PRKCB: variants seen among roughly 807,000 people sequenced by gnomAD.
The protein encoded by PRKCB is protein kinase C beta type.
Under a neutral mutation model 81.5 loss-of-function variants are expected in PRKCB, and 13 were observed. That is an observed-to-expected ratio of 0.16 (90% CI 0.10 to 0.25). PRKCB has a LOEUF of 0.25. Among genes scored for constraint, PRKCB ranks in the 10% least tolerant of loss-of-function variants. The pLI is 1.00. For synonymous variants in PRKCB, 335 were observed against 321.4 expected (o/e 1.04, Z -0.45); for missense variants, 509 against 875.7 (o/e 0.58, Z 5.29).
intron 12 of PRKCB, among the ~76,000 whole-genome samples, chr16:24,177,450 T>C (rs1469497672): frequency 6.6e-6 from 1 of 152,214 alleles, no homozygotes. Flanking sequence ...TTCTTTTGTG[T>C]ATGTGGAAGA....
At chr16:23,993,310 G>A (rs1964913067) in intron 3 of PRKCB, among the ~76,000 whole-genome samples, 1 of 152,200 alleles carries the variant, frequency 6.6e-6, no homozygotes, top group South Asian at 2.1e-4. Context: ...CAGAGATTCT[G>A]AATGTAATGT....
intron 5 of PRKCB, among the ~76,000 whole-genome samples, chr16:24,045,634 T>C (rs1965754227): frequency 6.6e-6 from 1 of 152,136 alleles, no homozygotes; most frequent in Non-Finnish European, 1.5e-5. Context: ...CAGAAATCAC[T>C]GTGGGCCCTG....
At chr16:23,940,810 C>T (rs1324831453) in intron 2 of PRKCB, among the ~76,000 whole-genome samples, 3 of 152,076 alleles carry the variant, frequency 2.0e-5, no homozygotes, top group African/African-American at 4.8e-5. Flanking sequence ...GGATTTATGT[C>T]GTAGCTTTTC....
chr16:24,063,362 T>C (rs1965996483), intron 5 of PRKCB, among the ~76,000 whole-genome samples: 1 of 151,930 alleles, frequency 6.6e-6, no homozygotes, highest in South Asian at 2.1e-4. Context: ...TGGCATGATC[T>C]TGGCTCTCTA....
At chr16:23,991,068 A>G (rs1358611283) in intron 3 of PRKCB, among the ~76,000 whole-genome samples, 1 of 152,210 alleles carries the variant, frequency 6.6e-6, no homozygotes, top group Non-Finnish European at 1.5e-5. Flanking sequence ...TAGACTTGAC[A>G]GCTGACAGCT....
intron 3 of PRKCB, among the ~76,000 whole-genome samples, chr16:24,011,784 C>T (rs1965206008): frequency 6.6e-6 from 1 of 152,184 alleles, no homozygotes; most frequent in Non-Finnish European, 1.5e-5. Context: ...TGTGTCCCAC[C>T]TTAGCTGTGC....
intron 2 of PRKCB, among the ~76,000 whole-genome samples, chr16:23,931,784 T>C (rs1280182496): frequency 2.6e-5 from 4 of 152,202 alleles, no homozygotes; most frequent in African/African-American, 7.2e-5. Flanking sequence ...ACAGTTTGTA[T>C]AGATCCTTTT....
chr16:24,147,748 T>A (rs1158555433), intron 9 of PRKCB, among the ~76,000 whole-genome samples: 1 of 152,206 alleles, frequency 6.6e-6, no homozygotes, highest in Non-Finnish European at 1.5e-5. Context: ...CACTTCCTAG[T>A]GGAATACGGA....
chr16:24,055,701 G>C (rs1175005238), intron 5 of PRKCB, among the ~76,000 whole-genome samples: 1 of 152,238 alleles, frequency 6.6e-6, no homozygotes, highest in African/African-American at 2.4e-5. Flanking sequence ...TGGAATGGTT[G>C]GTGGAGAAGG....
chr16:23,876,072 G>A (rs1005786079), intron 2 of PRKCB, among the ~76,000 whole-genome samples: 1 of 152,130 alleles, frequency 6.6e-6, no homozygotes, highest in East Asian at 1.9e-4. Context: ...CTTTAAGGTT[G>A]ACATATATTC....
chr16:23,931,541 G>T (rs1054146409), intron 2 of PRKCB, among the ~76,000 whole-genome samples: 1 of 152,174 alleles, frequency 6.6e-6, no homozygotes, highest in Non-Finnish European at 1.5e-5. Flanking sequence ...TGTGAGAAGA[G>T]ACCTGAGCAG....
intron 2 of PRKCB, among the ~76,000 whole-genome samples, chr16:23,933,629 T>TATCCATCCATCCATCC (rs57745059): frequency 7.4e-5 from 10 of 135,702 alleles, no homozygotes; most frequent in East Asian, 7.1e-4. Context: ...TGTGAACTGA[T>TATCCATCCATCCATCC]ATCCATCCAT....
chr16:23,984,237 G>A (rs1420405044), intron 2 of PRKCB, among the ~76,000 whole-genome samples: 1 of 152,184 alleles, frequency 6.6e-6, no homozygotes, highest in Non-Finnish European at 1.5e-5. Flanking sequence ...GATATGGTTG[G>A]CATGGTTCTG....
At chr16:23,836,755 C>T (rs947788589) in intron 1 of PRKCB, among the ~76,000 whole-genome samples, 1 of 133,256 alleles carries the variant, frequency 7.5e-6, no homozygotes, top group Admixed American at 7.8e-5. Flanking sequence ...CCTCGCCCCC[C>T]ACCCCTTGTT....
chr16:23,931,034 C>G (rs146848703), intron 2 of PRKCB, among the ~76,000 whole-genome samples: 105 of 152,322 alleles, frequency 6.9e-4, no homozygotes, highest in African/African-American at 2.5e-3. Context: ...GGGCTTATCC[C>G]CTGGAGCACT....
chr16:24,072,770 C>T (rs551752613), intron 5 of PRKCB, among the ~76,000 whole-genome samples: 8 of 152,098 alleles, frequency 5.3e-5, no homozygotes, highest in South Asian at 2.1e-4. Context: ...TTAGTAGAGA[C>T]GGGGTTTCAC....
chr16:23,868,510 A>T (rs1280574132), intron 2 of PRKCB, among the ~76,000 whole-genome samples: 2 of 152,240 alleles, frequency 1.3e-5, no homozygotes, highest in Non-Finnish European at 2.9e-5. Context: ...CCTATCAGTT[A>T]CATAATTGAT....
rs568043221 is a variant in PRKCB at position 23,863,726 on chromosome 16, A to G, written c.205+26320A>G. 2.6e-5 allele frequency among the ~76,000 whole-genome samples: 4 copies of G among 152,314 alleles called. No individual in the cohort carries two copies. The East Asian group carries it at 7.7e-4, about 29-fold the overall frequency. On this transcript the variant is annotated intron_variant, in intron 2 of 16. Coordinates refer to ENST00000643927, the MANE Select transcript of PRKCB (RefSeq NM_002738.7). The stretch of plus-strand genomic sequence containing the variant: ...CTGGAGTCAGTCTTGTCCGCTTCCA[A>G]TCAGGGTTCCTGGACTGGCTCCTAT...
intron 2 of PRKCB, among the ~76,000 whole-genome samples, chr16:23,891,584 G>A (rs1963296151): frequency 6.6e-6 from 1 of 152,110 alleles, no homozygotes; most frequent in Non-Finnish European, 1.5e-5. Flanking sequence ...AGGCCTATCT[G>A]CAAGAAGCAT....
Sources: allele counts gnomAD v4.1 joint callset (sites outside exome capture counted in the v4.1 genomes callset), GRCh38; gene constraint gnomAD v4.1.1; transcripts MANE v1.5; gene names NCBI Gene and HGNC (gene_info 2026-07-23, HGNC 2026-07-21).